Variants in IL1R2 observed in about 807,000 individuals in gnomAD.
IL1R2 encodes interleukin 1 receptor type 2, also known as interleukin-1 receptor type 2.
A neutral mutation model predicts 39.5 loss-of-function variants in IL1R2; 46 were observed. The ratio of observed to expected loss-of-function variants is 1.16; its 90% CI spans 0.92 to 1.49. IL1R2 has a LOEUF of 1.49. Among genes scored for constraint, IL1R2 ranks in the 40% most tolerant of loss-of-function variants. The pLI is 0.00. For missense variants in IL1R2, 537 were observed against 502.0 expected, an observed-to-expected ratio of 1.07 and a Z score of -0.67; for synonymous variants, 207 against 189.6, an observed-to-expected ratio of 1.09 and a Z score of -0.75.
rs992040879 is a variant in IL1R2 at position 102,025,800 on chromosome 2, G to GT, written c.888-302dup. Reference sequence around the variant, plus strand: ...ACTAGACGTTTCTGTTCCCATGACTGTTTTTTTTTGTTGTTGTTGTTCATT... The same window carrying GT: ...ACTAGACGTTTCTGTTCCCATGACTGTTTTTTTTTTGTTGTTGTTGTTCATT... On this transcript the variant is annotated intron_variant, in intron 7 of 8. Transcript: ENST00000332549. 3.2e-4 allele frequency among the ~76,000 whole-genome samples: 49 copies of GT among 151,206 alleles called. No homozygotes were observed. The Middle Eastern group carries it at 0.017, about 52-fold the overall frequency.
chr2:102,008,877 A>C (rs986368362), intron 2 of IL1R2, among the ~76,000 whole-genome samples: 2 of 150,302 alleles, frequency 1.3e-5, no homozygotes, highest in African/African-American at 4.9e-5. Context: ...AAAAAAAAAA[A>C]AGTAGTTGGG....
chr2:102,015,177 G>T (rs1358819574), intron 3 of IL1R2, among the ~76,000 whole-genome samples: 1 of 152,164 alleles, frequency 6.6e-6, no homozygotes, highest in Non-Finnish European at 1.5e-5. Context: ...TGTGGATATG[G>T]TTTCCTGGAT....
intron 1 of IL1R2, among the ~76,000 whole-genome samples, chr2:102,000,825 C>T (rs17026377): frequency 0.045 from 6,842 of 152,230 alleles, 522 homozygotes; most frequent in African/African-American, 0.15. Flanking sequence ...TCCATTGCTC[C>T]GTGTTTATAA....
At chr2:102,024,509 C>T (rs770610735) in intron 6 of IL1R2, 24 bp from the exon 7 acceptor site, 25 of 1,579,780 alleles carry the variant, frequency 1.6e-5, no homozygotes, top group Non-Finnish European at 2.0e-5. Context: ...CTGCAGTTGA[C>T]GTGCTGTGCC....
intron 3 of IL1R2, among the ~76,000 whole-genome samples, chr2:102,010,636 G>T (rs2150436944): frequency 6.6e-6 from 1 of 152,110 alleles, no homozygotes; most frequent in South Asian, 2.1e-4. Context: ...AACCAAGCTG[G>T]CTTGGAAAGT....
intron 1 of IL1R2, among the ~76,000 whole-genome samples, chr2:102,008,152 C>T (rs764965834): frequency 2.0e-5 from 3 of 152,074 alleles, no homozygotes; most frequent in Admixed American, 2.0e-4. Flanking sequence ...TGAGGGAGAC[C>T]TCACGAAGAA....
At chr2:102,016,174 C>T (rs1676991721) in intron 4 of IL1R2, 123 bp downstream of exon 4, 2 of 721,276 alleles carry the variant, frequency 2.8e-6, no homozygotes, top group Non-Finnish European at 4.4e-6. Flanking sequence ...CAAACACACA[C>T]ATGGTTTGCC....
At chr2:102,000,601 C>G (rs1350061463) in intron 1 of IL1R2, among the ~76,000 whole-genome samples, 2 of 152,150 alleles carry the variant, frequency 1.3e-5, no homozygotes, top group African/African-American at 2.4e-5. Context: ...GTAAGCTTGT[C>G]TTCTATAGAG....
At chr2:102,019,833 C>A in intron 5 of IL1R2, 21 bp downstream of exon 5, 1 of 1,600,388 alleles carries the variant, frequency 6.2e-7, no homozygotes. Context: ...GCCATTGAGG[C>A]ACCTATCTAT....
At position 102,024,633 on chromosome 2, in the gene IL1R2, C is replaced by T; in HGVS notation, c.852C>T (p.Ala284=). ...WTANDTHIES[A]YPGGRVTEGP... ...CCAATGACACCCACATAGAGAGCGC[C>T]TACCCGGGAGGCCGCGTGACCGAGG... Residue 284 remains alanine (A), a synonymous_variant, in exon 7 of 9, where the codon GCC becomes GCT. Transcript: ENST00000332549. 1 of 1,614,144 alleles carries T rather than the reference C, an allele frequency of 6.2e-7. No homozygotes were observed. The highest frequency in any genetic ancestry group is 8.5e-7 in the Non-Finnish European group (1 of 1,180,010).
At chr2:102,027,390 T>G (rs1677804325) in intron 8 of IL1R2, among the ~76,000 whole-genome samples, 1 of 152,194 alleles carries the variant, frequency 6.6e-6, no homozygotes, top group African/African-American at 2.4e-5. Flanking sequence ...GCTGGGAACC[T>G]TTAAAATTTT....
At chr2:101,994,377 C>T (rs1469672937) in intron 1 of IL1R2, among the ~76,000 whole-genome samples, 2 of 152,148 alleles carry the variant, frequency 1.3e-5, no homozygotes, top group African/African-American at 2.4e-5. Flanking sequence ...AGGACTGAAG[C>T]AGAGCAGACT....
chr2:102,013,574 AG>A (rs1676795940), intron 3 of IL1R2, among the ~76,000 whole-genome samples: 1 of 129,942 alleles, frequency 7.7e-6, no homozygotes, highest in Non-Finnish European at 1.6e-5. Flanking sequence ...AAAGAAAAGA[AG>A]GAAAAGAAAA....
At chr2:102,007,634 A>AGTCTGTG (rs1676348733) in intron 1 of IL1R2, among the ~76,000 whole-genome samples, 1 of 152,238 alleles carries the variant, frequency 6.6e-6, no homozygotes, top group Non-Finnish European at 1.5e-5. Context: ...CAGAAAAAGC[A>AGTCTGTG]GTCTGTGGTC....
intron 1 of IL1R2, among the ~76,000 whole-genome samples, chr2:102,002,197 A>G (rs1478404072): frequency 6.6e-6 from 1 of 152,238 alleles, no homozygotes; most frequent in Non-Finnish European, 1.5e-5. Context: ...GTATTCCTGC[A>G]TGTATTCTGA....
intron 1 of IL1R2, among the ~76,000 whole-genome samples, chr2:102,000,749 A>G (rs1187233853): frequency 6.9e-6 from 1 of 145,228 alleles, no homozygotes; most frequent in Non-Finnish European, 1.5e-5. Flanking sequence ...GCTTGGGTTT[A>G]CATCCTATTT....
rs1314001631 is a variant in IL1R2 at position 102,003,004 on chromosome 2, GTCTGT to G, written c.-61-5510_-61-5506del. 8.0e-4 allele frequency among the ~76,000 whole-genome samples: 101 copies of G among 125,750 alleles called. 1 individual carries two copies. The highest frequency in any genetic ancestry group is 1.3e-3 in the Non-Finnish European group (70 of 54,826). 82.5% of individuals were successfully genotyped at this position (125,750 alleles called of 152,430 possible). ...TGTCTGTGTCGGTGTCTATGTCTAT[GTCTGT>G]GTCTGTGTCTCTGTCTGTGTCTGTG... On this transcript the variant is annotated intron_variant, in intron 1 of 8. Coordinates refer to ENST00000332549, the MANE Select transcript of IL1R2 (RefSeq NM_004633.4).
intron 6 of IL1R2, among the ~76,000 whole-genome samples, chr2:102,022,528 C>T (rs970390711): frequency 5.3e-5 from 8 of 152,236 alleles, no homozygotes; most frequent in Admixed American, 4.6e-4. Flanking sequence ...AAAATCTGAA[C>T]GTTCTGGCAG....
rs1233426399 is a variant in IL1R2, at chr2:102,028,226, C to T, written c.1031C>T (p.Ala344Val). The change falls in exon 9 of 9, where the codon GCC (alanine) becomes GTC (valine). Residue 344 changes from alanine (A) to valine (V), a missense_variant and splice_region_variant. Ala to Val is a moderately conservative substitution (Grantham distance 64). Coordinates refer to ENST00000332549, the MANE Select transcript of IL1R2 (RefSeq NM_004633.4). ...FQTLRTTVKE[A>V]SSTFSWGIVL... The stretch of plus-strand genomic sequence containing the variant: ...TGATGTGACTCTGTTCTTCCCACAG[C>T]CTCCTCCACGTTCTCCTGGGGCATT... 6.2e-7 allele frequency: 1 copy of T among 1,604,730 alleles called. No homozygotes were observed. Among genetic ancestry groups the T allele is most frequent in the Admixed American group, 1.7e-5 (1 of 58,792 alleles).
Sources: allele counts gnomAD v4.1 joint callset (sites outside exome capture counted in the v4.1 genomes callset), GRCh38; gene constraint gnomAD v4.1.1; transcripts MANE v1.5; gene names NCBI Gene and HGNC (gene_info 2026-07-23, HGNC 2026-07-21).